Variants in SULF1 observed in about 807,000 individuals in gnomAD.
The protein encoded by SULF1 is extracellular sulfatase Sulf-1.
In SULF1, 46 loss-of-function variants were observed where a neutral mutation model predicts 110.5. That is an observed-to-expected ratio of 0.42 (90% CI 0.33 to 0.53). SULF1 has a LOEUF of 0.53. Ranked by LOEUF, SULF1 falls within the 20% of genes least tolerant of loss-of-function variation. The pLI is 0.12. For missense variants in SULF1, 941 were observed against 1,094.2 expected (o/e 0.86, Z 1.98); for synonymous variants, 371 against 387.1 (o/e 0.96, Z 0.49).
In SULF1 at chr8:69,627,832, A is replaced by T. The variant is rs764257412; in HGVS notation, c.2008A>T (p.Arg670Trp). ...AGAAGTGAGAGGACATCTGAAGAGA[A>T]GGAAGCCTGAGGAATGTAGCTGCAG... ...LREVRGHLKRRKPEECSCSKQ... is the reference protein window; with the variant it reads ...LREVRGHLKRWKPEECSCSKQ... The change falls in exon 17 of 23, where the codon AGG becomes TGG. Residue 670 changes from arginine (R) to tryptophan (W), a missense_variant. By Grantham distance (101) the Arg-to-Trp change is moderately radical. Transcript: ENST00000402687. 1.1e-5 allele frequency: 18 copies of T among 1,613,366 alleles called. No individual in the cohort carries two copies. The highest frequency in any genetic ancestry group is 1.4e-5 in the Non-Finnish European group (17 of 1,179,784).
chr8:69,518,335 A>G (rs1812073850), intron 3 of SULF1, among the ~76,000 whole-genome samples: 1 of 152,164 alleles, frequency 6.6e-6, no homozygotes, highest in Non-Finnish European at 1.5e-5. Context: ...TAGCCACTTC[A>G]ATGTTCTCAT....
chr8:69,656,461 G>C lies in SULF1; in HGVS notation c.2586-2044G>C, dbSNP rs528026075. Among the ~76,000 whole-genome samples the C allele has an allele frequency of 8.1e-4, 124 of 152,214 alleles. 1 individual carries two copies. The highest frequency in any genetic ancestry group is 1.4e-3 in the Non-Finnish European group (94 of 68,016). ...GCATGCATTAGCTATTTTCCCTGATGCTCTCTTTCTCCCAACAACCCCACA... is the reference window on the plus strand; with the variant it reads ...GCATGCATTAGCTATTTTCCCTGATCCTCTCTTTCTCCCAACAACCCCACA... On this transcript the variant is annotated intron_variant, in intron 22 of 22. Coordinates refer to ENST00000402687, the MANE Select transcript of SULF1 (RefSeq NM_001128205.2).
At position 69,563,966 on chromosome 8, in the gene SULF1, A is replaced by G; in HGVS notation, c.-10A>G. On this transcript the variant is annotated 5_prime_UTR_variant, in exon 5 of 23. Coordinates refer to ENST00000402687, the MANE Select transcript of SULF1 (RefSeq NM_001128205.2). ...CATTTTGTCAGTTTTGCAACATTGG[A>G]CCAAATACAATGAAGTATTCTTGCT... is the stretch of plus-strand genomic sequence containing the variant. 1 of 1,613,590 alleles carries G rather than the reference A, an allele frequency of 6.2e-7. No individual in the cohort carries two copies. Among genetic ancestry groups the G allele is most frequent in the Non-Finnish European group, 8.5e-7 (1 of 1,179,552 alleles).
chr8:69,557,455 A>G (rs1465769388), intron 3 of SULF1, among the ~76,000 whole-genome samples: 1 of 152,136 alleles, frequency 6.6e-6, no homozygotes, highest in Non-Finnish European at 1.5e-5. Flanking sequence ...TTGTTTTTAT[A>G]TGGTTTTAGT....
chr8:69,643,968 C>G (rs1229789245), intron 22 of SULF1, among the ~76,000 whole-genome samples: 1 of 152,208 alleles, frequency 6.6e-6, no homozygotes, highest in Non-Finnish European at 1.5e-5. Flanking sequence ...CCAAGAGGAG[C>G]TCCTGGCAGC....
At chr8:69,481,422 A>G (rs1809518162) in intron 1 of SULF1, among the ~76,000 whole-genome samples, 1 of 152,186 alleles carries the variant, frequency 6.6e-6, no homozygotes, top group African/African-American at 2.4e-5. Context: ...CCATAAGAAT[A>G]CTTTGTTCAT....
chr8:69,552,785 A>G (rs1055842442), intron 3 of SULF1, among the ~76,000 whole-genome samples: 2 of 152,266 alleles, frequency 1.3e-5, no homozygotes, highest in African/African-American at 2.4e-5. Flanking sequence ...AGATAGAAAC[A>G]ATCTTGAATT....
intron 22 of SULF1, among the ~76,000 whole-genome samples, chr8:69,648,748 T>G (rs1029586067): frequency 6.6e-5 from 10 of 152,220 alleles, no homozygotes; most frequent in Admixed American, 6.5e-4. Context: ...TATGACACCA[T>G]CAGCACCTGT....
chr8:69,565,155 T>C (rs1815780733), intron 5 of SULF1, among the ~76,000 whole-genome samples: 1 of 152,044 alleles, frequency 6.6e-6, no homozygotes, highest in Non-Finnish European at 1.5e-5. Context: ...TGGGTTCAGC[T>C]GGAAGCAAAT....
Position 69,532,295 on chromosome 8 carries a change from G to C in SULF1, c.-134+30327G>C, listed in dbSNP as rs138325252. Among the ~76,000 whole-genome samples, 334 of 152,224 alleles carry C rather than the reference G, an allele frequency of 2.2e-3. 2 individuals carry two copies. Among genetic ancestry groups the C allele is most frequent in the African/African-American group, 7.8e-3 (324 of 41,516 alleles). On this transcript the variant is annotated intron_variant, in intron 3 of 22. Transcript: ENST00000402687. ...CTATGTCTTAAAATGATTGTTTCAA[G>C]CCAAAATAGGCACATGAGAACATTT... is the stretch of plus-strand genomic sequence containing the variant.
intron 3 of SULF1, among the ~76,000 whole-genome samples, chr8:69,530,921 C>T (rs543285626): frequency 6.6e-6 from 1 of 152,204 alleles, no homozygotes; most frequent in Non-Finnish European, 1.5e-5. Flanking sequence ...TAAACAGGTA[C>T]TTATTGAGGA....
chr8:69,656,699 C>T (rs896982811), intron 22 of SULF1, among the ~76,000 whole-genome samples: 1 of 152,186 alleles, frequency 6.6e-6, no homozygotes, highest in Non-Finnish European at 1.5e-5. Flanking sequence ...ATATGTACCA[C>T]ATTTTCTTTA....
At chr8:69,540,224 G>A (rs543411764) in intron 3 of SULF1, among the ~76,000 whole-genome samples, 1 of 152,284 alleles carries the variant, frequency 6.6e-6, no homozygotes, top group South Asian at 2.1e-4. Flanking sequence ...AACGATGGTT[G>A]TGCCACTGAA....
intron 5 of SULF1, among the ~76,000 whole-genome samples, chr8:69,569,122 A>T (rs188771310): frequency 1.3e-5 from 2 of 152,178 alleles, no homozygotes; most frequent in African/African-American, 2.4e-5. Flanking sequence ...CTGACTCAAC[A>T]TGGCATTTCT....
intron 13 of SULF1, among the ~76,000 whole-genome samples, chr8:69,607,727 T>G (rs763400475): frequency 6.6e-6 from 1 of 152,198 alleles, no homozygotes; most frequent in Non-Finnish European, 1.5e-5. Context: ...CTGGCTACTT[T>G]GAAGATTATC....
chr8:69,530,277 A>G (rs1193488225), intron 3 of SULF1, among the ~76,000 whole-genome samples: 1 of 152,066 alleles, frequency 6.6e-6, no homozygotes, highest in South Asian at 2.1e-4. Flanking sequence ...CAAAAAGAAA[A>G]AGTAATGTCT....
At chr8:69,655,922 A>G (rs1260646458) in intron 22 of SULF1, among the ~76,000 whole-genome samples, 2 of 152,140 alleles carry the variant, frequency 1.3e-5, no homozygotes, top group Non-Finnish European at 2.9e-5. Context: ...TTTATCCTAG[A>G]TCTGATAAAT....
chr8:69,578,436 C>T (rs1282234198), intron 6 of SULF1, among the ~76,000 whole-genome samples: 3 of 151,694 alleles, frequency 2.0e-5, no homozygotes, highest in East Asian at 1.9e-4. Flanking sequence ...ATGTGCCGTG[C>T]TGGTGTGCTG....
At chr8:69,552,867 G>C (rs1033661113) in intron 3 of SULF1, among the ~76,000 whole-genome samples, 1 of 152,230 alleles carries the variant, frequency 6.6e-6, no homozygotes, top group Non-Finnish European at 1.5e-5. Flanking sequence ...GCATGACTAA[G>C]CATCTAGAAG....
Sources: allele counts gnomAD v4.1 joint callset (sites outside exome capture counted in the v4.1 genomes callset), GRCh38; gene constraint gnomAD v4.1.1; transcripts MANE v1.5; gene names NCBI Gene and HGNC (gene_info 2026-07-23, HGNC 2026-07-21).